Variants in ROCK2 observed in about 807,000 individuals in gnomAD.
ROCK2 encodes rho-associated protein kinase 2.
Under a neutral mutation model 195.1 loss-of-function variants are expected in ROCK2, and 61 were observed. The ratio of observed to expected loss-of-function variants is 0.31; its 90% CI spans 0.25 to 0.39. ROCK2 has a LOEUF of 0.39. Ranked by LOEUF, ROCK2 falls within the 10% of genes least tolerant of loss-of-function variation. ROCK2 has a pLI of 1.00. For missense variants in ROCK2, 1,109 were observed against 1,637.4 expected (o/e 0.68, Z 5.57); for synonymous variants, 504 against 545.5 (o/e 0.92, Z 1.06).
At chr2:11,193,480 T>C (rs56243142) in intron 30 of ROCK2, among the ~76,000 whole-genome samples, 73,599 of 151,890 alleles carry the variant, frequency 0.48, 18,944 homozygotes, top group Admixed American at 0.56. Context: ...AAAATTCATG[T>C]TTAAAAAAAA....
intron 1 of ROCK2, among the ~76,000 whole-genome samples, chr2:11,331,392 T>C (rs1668761609): frequency 6.6e-6 from 1 of 152,200 alleles, no homozygotes; most frequent in Non-Finnish European, 1.5e-5. Flanking sequence ...GCAATAGTAC[T>C]TAAAACACCA....
At chr2:11,328,043 G>A (rs1330786428) in intron 1 of ROCK2, among the ~76,000 whole-genome samples, 4 of 152,074 alleles carry the variant, frequency 2.6e-5, no homozygotes, top group Non-Finnish European at 4.4e-5. Flanking sequence ...GTGAAAAGAA[G>A]ACTGCCTCTA....
chr2:11,224,214 G>C, intron 7 of ROCK2, 108 bp downstream of exon 7: 1 of 1,040,446 alleles, frequency 9.6e-7, no homozygotes, highest in Non-Finnish European at 1.4e-6. Flanking sequence ...GATGCTACTT[G>C]GGTAATGAGA....
At position 11,214,973 on chromosome 2, in the gene ROCK2, A is replaced by G. The variant is rs762891959; in HGVS notation, c.1803T>C (p.Asp601=). ...QIQQLESNNR[D]LQDKNCLLET... ...CCAGCAGGCAGTTTTTATCTTGTAG[A>G]TCTCTATTGTTAGATTCCAGCTGCT... is the stretch of plus-strand genomic sequence containing the variant. Residue 601 remains aspartate (D), a synonymous_variant, in exon 16 of 33, where the codon GAT becomes GAC. Transcript: ENST00000315872. The G allele has an allele frequency of 1.2e-6, 2 of 1,613,992 alleles. No individual in the cohort carries two copies. The highest frequency in any genetic ancestry group is 4.5e-5 in the East Asian group (2 of 44,860).
At chr2:11,314,683 CTG>C (rs1668138272) in intron 1 of ROCK2, among the ~76,000 whole-genome samples, 1 of 151,992 alleles carries the variant, frequency 6.6e-6, no homozygotes, top group Admixed American at 6.6e-5. Context: ...CCATGATTCA[CTG>C]TTTTGCATTT....
At chr2:11,227,991 G>A (rs1480245206) in intron 5 of ROCK2, among the ~76,000 whole-genome samples, 1 of 152,032 alleles carries the variant, frequency 6.6e-6, no homozygotes, top group African/African-American at 2.4e-5. Flanking sequence ...CAATATATTT[G>A]GCATGATGAT....
chr2:11,291,274 G>T lies in ROCK2; in HGVS notation c.142-3538C>A, dbSNP rs983335282. On this transcript the variant is annotated intron_variant, in intron 1 of 32. Transcript: ENST00000315872. ...TTAGTATCTTATTGTTGTTGGCCAG[G>T]TGCAGTGGCTCATGCCTGTAATCCC... Among the ~76,000 whole-genome samples the T allele has an allele frequency of 2.0e-5, 3 of 152,204 alleles. No individual in the cohort carries two copies. The South Asian group carries it at 6.2e-4, about 32-fold the overall frequency.
chr2:11,228,964 A>T (rs1664906699), intron 5 of ROCK2, among the ~76,000 whole-genome samples: 1 of 152,154 alleles, frequency 6.6e-6, no homozygotes, highest in Non-Finnish European at 1.5e-5. Context: ...ATAAAGAAAC[A>T]GGAACAACCT....
chr2:11,196,148 T>C (rs1309076835), intron 27 of ROCK2, among the ~76,000 whole-genome samples: 1 of 152,206 alleles, frequency 6.6e-6, no homozygotes, highest in Non-Finnish European at 1.5e-5. Context: ...ATGAGGAAAC[T>C]GCAGTCTTGA....
In ROCK2 at chr2:11,193,759, A is replaced by G; in HGVS notation, c.3687+20T>C. The G allele has an allele frequency of 6.8e-7, 1 of 1,468,090 alleles. No homozygotes were observed. 90.9% of individuals were successfully genotyped at this position (1,468,090 alleles called of 1,614,324 possible). A position where few individuals can be genotyped will look rare whatever the true frequency, so the allele number is the denominator to read the frequency against. ...ACAAAACAAAGCCAACCAACCAAAT[A>G]TAAACAAAACTATGTTTACCTGGAA... On this transcript the variant is annotated intron_variant, in intron 30 of 32. Transcript: ENST00000315872.
At chr2:11,220,881 C>A (rs1664615658) in intron 9 of ROCK2, among the ~76,000 whole-genome samples, 1 of 152,196 alleles carries the variant, frequency 6.6e-6, no homozygotes, top group African/African-American at 2.4e-5. Context: ...CTTAAGGCAA[C>A]TGTCACATTT....
intron 1 of ROCK2, 85 bp downstream of exon 1, chr2:11,343,911 G>A (rs748692156): frequency 1.4e-5 from 20 of 1,465,478 alleles, no homozygotes; most frequent in Non-Finnish European, 1.8e-5. Flanking sequence ...CCCTCCCCAC[G>A]GGCGGACGGG....
intron 18 of ROCK2, 151 bp downstream of exon 18, chr2:11,211,530 T>C (rs532907932): frequency 1.7e-5 from 11 of 629,796 alleles, no homozygotes; most frequent in South Asian, 3.6e-5. Context: ...TAATAGAATA[T>C]CTATGTAAAG....
chr2:11,317,604 ATATATATAT>A (rs1254752360), intron 1 of ROCK2, among the ~76,000 whole-genome samples: 10 of 16,192 alleles, frequency 6.2e-4, no homozygotes, highest in African/African-American at 1.2e-3. Context: ...ATATATATAT[ATATATATAT>A]TTTTTTTTTT....
intron 1 of ROCK2, among the ~76,000 whole-genome samples, chr2:11,304,774 A>C (rs1052960379): frequency 3.9e-5 from 6 of 152,130 alleles, no homozygotes; most frequent in Non-Finnish European, 1.5e-5. Flanking sequence ...CTGGCCTTCT[A>C]AACGTTTCGA....
In ROCK2 at chr2:11,259,778, T is replaced by C. The variant is rs906312859; in HGVS notation, c.325-9980A>G. Among the ~76,000 whole-genome samples, 4 of 151,404 alleles carry C rather than the reference T, an allele frequency of 2.6e-5. 1 individual carries two copies. The highest frequency in any genetic ancestry group is 9.8e-5 in the African/African-American group (4 of 40,692). ...TTCTTGTAAAAAAAATTTTTTGAAA[T>C]TTGAAGGATTGATATACAGTAACTG... On this transcript the variant is annotated intron_variant, in intron 3 of 32. Coordinates refer to ENST00000315872, the MANE Select transcript of ROCK2 (RefSeq NM_004850.5).
intron 1 of ROCK2, among the ~76,000 whole-genome samples, chr2:11,331,045 A>AGGAGGAG (rs1332591529): frequency 1.5e-4 from 19 of 126,990 alleles, no homozygotes; most frequent in African/African-American, 2.3e-4. Context: ...AGGAGGAGGG[A>AGGAGGAG]GGAGGAGGAG....
intron 1 of ROCK2, among the ~76,000 whole-genome samples, chr2:11,291,181 C>A (rs1558365461): frequency 6.6e-6 from 1 of 152,172 alleles, no homozygotes; most frequent in East Asian, 1.9e-4. Context: ...GAACACAGAG[C>A]CTTTTATACT....
At position 11,222,237 on chromosome 2, in the gene ROCK2, G is replaced by A; in HGVS notation, c.1008-63C>T. 5 of 916,974 alleles carry A rather than the reference G, an allele frequency of 5.5e-6. No homozygotes were observed. The South Asian group carries it at 8.3e-5, about 15-fold the overall frequency. The allele number at this position is 916,974 out of a possible 1,614,324, so 56.8% of individuals were successfully genotyped here. On this transcript the variant is annotated intron_variant, in intron 7 of 32. Coordinates refer to ENST00000315872, the MANE Select transcript of ROCK2 (RefSeq NM_004850.5). ...TATAAAATAAAAAGATTAACTCTATGTCAACAGTTTAACCAAAATAAAGAT... is the reference window on the plus strand; with the variant it reads ...TATAAAATAAAAAGATTAACTCTATATCAACAGTTTAACCAAAATAAAGAT...
Sources: allele counts gnomAD v4.1 joint callset (sites outside exome capture counted in the v4.1 genomes callset), GRCh38; gene constraint gnomAD v4.1.1; transcripts MANE v1.5; gene names NCBI Gene and HGNC (gene_info 2026-07-23, HGNC 2026-07-21).